Variants in RYR3 observed in about 807,000 individuals in gnomAD.
RYR3 encodes the protein ryanodine receptor 3.
In RYR3, 207 loss-of-function variants were observed where a neutral mutation model predicts 584.3. That is an observed-to-expected ratio of 0.35 (90% CI 0.32 to 0.40). RYR3 has a LOEUF of 0.40. Ranked by LOEUF, RYR3 falls within the 10% of genes least tolerant of loss-of-function variation. The pLI is 1.00. For missense variants in RYR3, 5,616 were observed against 6,089.2 expected (o/e 0.92, Z 2.59); for synonymous variants, 2,416 against 2,248.5 (o/e 1.07, Z -2.11).
intron 1 of RYR3, among the ~76,000 whole-genome samples, chr15:33,324,554 C>T (rs1969432437): frequency 6.6e-6 from 1 of 152,214 alleles, no homozygotes; most frequent in Non-Finnish European, 1.5e-5. Flanking sequence ...TTGTCAACAT[C>T]TAGCAAGCTG....
At chr15:33,782,381 T>A (rs2074440553) in intron 65 of RYR3, among the ~76,000 whole-genome samples, 1 of 152,180 alleles carries the variant, frequency 6.6e-6, no homozygotes, top group African/African-American at 2.4e-5. Flanking sequence ...CTCCCCACCA[T>A]TGCATATTCC....
chr15:33,396,535 C>T (rs1190216906), intron 1 of RYR3, among the ~76,000 whole-genome samples: 3 of 152,170 alleles, frequency 2.0e-5, no homozygotes, highest in Non-Finnish European at 4.4e-5. Context: ...TCTCAAGCCC[C>T]GGGGATCCCT....
intron 2 of RYR3, among the ~76,000 whole-genome samples, chr15:33,487,645 C>T (rs1368173955): frequency 2.0e-5 from 3 of 152,278 alleles, no homozygotes; most frequent in Middle Eastern, 3.4e-3. Flanking sequence ...CTATGGGGAC[C>T]ATGGTGGGCA....
chr15:33,528,051 T>C (rs1191883128), intron 3 of RYR3, among the ~76,000 whole-genome samples: 1 of 152,198 alleles, frequency 6.6e-6, no homozygotes, highest in African/African-American at 2.4e-5. Context: ...CTCGTAATGC[T>C]TTCATGGAAA....
intron 2 of RYR3, among the ~76,000 whole-genome samples, chr15:33,500,067 A>G (rs760525822): frequency 1.3e-5 from 2 of 152,238 alleles, no homozygotes; most frequent in Admixed American, 1.3e-4. Flanking sequence ...GATCTGTTCA[A>G]GAAGACTTGA....
At chr15:33,737,520 C>T (rs1349734967) in intron 49 of RYR3, among the ~76,000 whole-genome samples, 1 of 152,204 alleles carries the variant, frequency 6.6e-6, no homozygotes, top group African/African-American at 2.4e-5. Flanking sequence ...TTTCAGGCAG[C>T]ATTTTACTGT....
At chr15:33,703,295 A>C (rs1396244517) in intron 42 of RYR3, among the ~76,000 whole-genome samples, 4 of 152,206 alleles carry the variant, frequency 2.6e-5, no homozygotes, top group Non-Finnish European at 5.9e-5. Flanking sequence ...CCTTGTAGTC[A>C]GAGAGGATAT....
chr15:33,851,732 C>G (rs1206633279), intron 94 of RYR3: 1 of 152,016 alleles, frequency 6.6e-6, no homozygotes, highest in Non-Finnish European at 1.5e-5. Flanking sequence ...TGCGACCAGG[C>G]TGAGTTGTAT....
chr15:33,511,624 A>C (rs1283540261), intron 3 of RYR3, among the ~76,000 whole-genome samples: 1 of 150,930 alleles, frequency 6.6e-6, no homozygotes, highest in Non-Finnish European at 1.5e-5. Flanking sequence ...AAAAACCACT[A>C]GTGCACCTCA....
chr15:33,840,836 G>A lies in RYR3; in HGVS notation c.12990G>A (p.Met4330Ile). Residue 4330 changes from methionine to isoleucine, a missense_variant, in exon 90 of 104, where the codon ATG (methionine) becomes ATA (isoleucine). By Grantham distance (10) the Met-to-Ile change is conservative. This residue lies in a region of RYR3 where 918 missense variants were observed against 887.4 expected (regional missense o/e 1.03). Transcript: ENST00000634891. ...TTATTTTTGTCTAGGCAGCAGAAAT[G>A]AAAGCAGCAAATGAAGCAGAAGGAA... ...QKKRKAQAAE[M>I]KAANEAEGKV... 1 of 1,613,910 alleles carries A rather than the reference G, an allele frequency of 6.2e-7. No individual in the cohort carries two copies. Among genetic ancestry groups the A allele is most frequent in the East Asian group, 2.2e-5 (1 of 44,878 alleles).
chr15:33,402,911 G>C (rs2042775462), intron 1 of RYR3, among the ~76,000 whole-genome samples: 1 of 152,232 alleles, frequency 6.6e-6, no homozygotes, highest in Non-Finnish European at 1.5e-5. Context: ...TTGGGAATCT[G>C]ACCACAGCTG....
chr15:33,734,434 TG>T (rs1303744898), intron 48 of RYR3, among the ~76,000 whole-genome samples: 1 of 152,168 alleles, frequency 6.6e-6, no homozygotes, highest in Non-Finnish European at 1.5e-5. Context: ...GAGTAAATAA[TG>T]AGTTTACACA....
At position 33,865,229 on chromosome 15, in the gene RYR3, C is replaced by G. The variant is rs117743413; in HGVS notation, c.*3C>G. 28,182 of 1,607,736 alleles carry G rather than the reference C, an allele frequency of 0.018. 1,989 individuals are homozygous for G. In the Admixed American group the frequency reaches 0.23, roughly 13 times the overall value. On this transcript the variant is annotated 3_prime_UTR_variant, in exon 104 of 104. Transcript: ENST00000634891. ...AATATGAAGATCAGCTTGGATAAAT[C>G]TGAATCAAAGAAGCGCGACAATTCT...
chr15:33,316,375 T>G (rs1968171710), intron 1 of RYR3, among the ~76,000 whole-genome samples: 1 of 152,218 alleles, frequency 6.6e-6, no homozygotes, highest in South Asian at 2.1e-4. Flanking sequence ...TTATTCTGAA[T>G]GATCTTTACC....
intron 7 of RYR3, among the ~76,000 whole-genome samples, chr15:33,541,879 C>T (rs1299984258): frequency 6.6e-6 from 1 of 152,110 alleles, no homozygotes; most frequent in Non-Finnish European, 1.5e-5. Context: ...GGTCTATTGT[C>T]AGTCAATCCC....
intron 92 of RYR3, among the ~76,000 whole-genome samples, chr15:33,844,163 C>T (rs2078561932): frequency 1.3e-5 from 2 of 152,140 alleles, no homozygotes; most frequent in South Asian, 4.1e-4. Flanking sequence ...TACTTAAAAC[C>T]ACCAATCTAA....
chr15:33,543,491 A>C (rs532968178), intron 7 of RYR3, 131 bp from the exon 8 acceptor site: 1 of 693,950 alleles, frequency 1.4e-6, no homozygotes, highest in East Asian at 2.5e-5. Flanking sequence ...TGGAATATGT[A>C]GTTATCAAAA....
chr15:33,645,164 T>G (rs1161543508), intron 28 of RYR3, among the ~76,000 whole-genome samples: 1 of 152,230 alleles, frequency 6.6e-6, no homozygotes, highest in Non-Finnish European at 1.5e-5. Flanking sequence ...GATTTTAAGC[T>G]GACGTCTGAT....
chr15:33,806,838 T>C (rs35205505), intron 69 of RYR3, among the ~76,000 whole-genome samples: 31,497 of 151,068 alleles, frequency 0.21, 3,409 homozygotes, highest in Middle Eastern at 0.3. Flanking sequence ...ACTGCAGCCT[T>C]GAACTCTTGA....
Sources: gnomAD v4.1 joint callset for allele counts (sites outside exome capture counted in the v4.1 genomes callset) on GRCh38, gnomAD v4.1.1 for gene constraint, gnomAD v4.1.1 regional missense constraint, MANE v1.5 for transcripts, NCBI Gene and HGNC (gene_info 2026-07-23, HGNC 2026-07-21) for gene names.